Variants in AOPEP observed in about 807,000 individuals in gnomAD.
AOPEP encodes the protein aminopeptidase O.
In AOPEP, 77 loss-of-function variants were observed where a neutral mutation model predicts 98.1. The ratio of observed to expected loss-of-function variants is 0.78; its 90% CI spans 0.65 to 0.95. AOPEP has a LOEUF of 0.95. Among genes scored for constraint, AOPEP ranks in the 40% least tolerant of loss-of-function variants. The pLI, the probability that AOPEP is intolerant of heterozygous loss-of-function variation, is 0.00. For missense variants in AOPEP, 1,024 were observed against 1,024.7 expected (o/e 1.00, Z 0.01); for synonymous variants, 346 against 365.3 (o/e 0.95, Z 0.60).
chr9:95,114,664 T>C, the AOPEP span: 3 of 1,614,176 alleles, frequency 1.9e-6, no homozygotes, highest in South Asian at 3.3e-5. Flanking sequence ...CTCTGAGCAG[T>C]TCAGAAATAT....
At chr9:95,111,591 C>CG in the AOPEP span, 1 of 1,614,160 alleles carries the variant, frequency 6.2e-7, no homozygotes, top group Non-Finnish European at 8.5e-7. Flanking sequence ...GCCCATCCTC[C>CG]GAAGTGAATG....
At chr9:94,907,033 C>T (rs1342140598) in intron 5 of AOPEP, among the ~76,000 whole-genome samples, 2 of 152,100 alleles carry the variant, frequency 1.3e-5, no homozygotes, top group Non-Finnish European at 2.9e-5. Context: ...TGTTCCAGGT[C>T]GGAATTTTCC....
intron 5 of AOPEP, among the ~76,000 whole-genome samples, chr9:94,876,724 T>C (rs1174737385): frequency 6.6e-6 from 1 of 151,922 alleles, no homozygotes; most frequent in Non-Finnish European, 1.5e-5. Context: ...TATCTAAGGC[T>C]ACCTTTTAAA....
chr9:94,796,938 A>G (rs1847080869), intron 4 of AOPEP, among the ~76,000 whole-genome samples: 2 of 152,226 alleles, frequency 1.3e-5, no homozygotes, highest in African/African-American at 4.8e-5. Flanking sequence ...ATAAAGTCCA[A>G]AGGAACTTAG....
intron 11 of AOPEP, among the ~76,000 whole-genome samples, chr9:95,003,723 T>G (rs1193436472): frequency 6.6e-6 from 1 of 152,222 alleles, no homozygotes; most frequent in African/African-American, 2.4e-5. Context: ...AATAACACAT[T>G]GAAAAATCTC....
chr9:94,924,516 G>T (rs988457720), intron 6 of AOPEP, among the ~76,000 whole-genome samples: 6 of 152,192 alleles, frequency 3.9e-5, no homozygotes, highest in Non-Finnish European at 7.3e-5. Flanking sequence ...TGAAGAAAAG[G>T]TCATGCTATA....
chr9:94,791,439 G>A lies in AOPEP; in HGVS notation c.965-1326G>A, dbSNP rs752225695. 8.6e-5 allele frequency among the ~76,000 whole-genome samples: 13 copies of A among 151,912 alleles called. 1 individual carries two copies. The highest frequency in any genetic ancestry group is 8.5e-4 in the Admixed American group (13 of 15,254). On this transcript the variant is annotated intron_variant, in intron 3 of 16. Transcript: ENST00000375315. ...TTCCAGCACTTCAGGAGGCCAAGGTGGGAGGACTGCTTGAGCCCAGGAGTT... is the reference window on the plus strand; with the variant it reads ...TTCCAGCACTTCAGGAGGCCAAGGTAGGAGGACTGCTTGAGCCCAGGAGTT...
the AOPEP span, chr9:95,110,402 T>TA: frequency 9.8e-7 from 1 of 1,024,414 alleles, no homozygotes; most frequent in Non-Finnish European, 1.2e-6. Context: ...TTATTACTGT[T>TA]AAAAACATCA....
intron 13 of AOPEP, among the ~76,000 whole-genome samples, chr9:95,044,455 A>G (rs937955261): frequency 6.6e-6 from 1 of 152,188 alleles, no homozygotes; most frequent in South Asian, 2.1e-4. Flanking sequence ...TGGGAGCATC[A>G]TGCGCAGCAG....
intron 5 of AOPEP, among the ~76,000 whole-genome samples, chr9:94,899,955 C>T (rs72748576): frequency 1.4e-4 from 21 of 152,268 alleles, no homozygotes; most frequent in African/African-American, 5.1e-4. Flanking sequence ...ACCCCTCCCC[C>T]CCAGCCAAAT....
chr9:95,067,277 C>T (rs2068007297), intron 14 of AOPEP, among the ~76,000 whole-genome samples: 1 of 152,186 alleles, frequency 6.6e-6, no homozygotes, highest in South Asian at 2.1e-4. Context: ...AGCACGTTCC[C>T]AGGCCTGCTC....
At chr9:94,834,688 G>A (rs916403835) in intron 5 of AOPEP, among the ~76,000 whole-genome samples, 2 of 152,124 alleles carry the variant, frequency 1.3e-5, no homozygotes, top group African/African-American at 4.8e-5. Context: ...AGCTACTCGG[G>A]AGGCTGAGGC....
At chr9:94,964,043 T>C (rs2059026153) in intron 9 of AOPEP, among the ~76,000 whole-genome samples, 1 of 152,204 alleles carries the variant, frequency 6.6e-6, no homozygotes, top group Admixed American at 6.5e-5. Flanking sequence ...GTACAGAGAC[T>C]GCCTGGATGA....
intron 13 of AOPEP, among the ~76,000 whole-genome samples, chr9:95,046,214 C>G (rs1303675014): frequency 1.3e-5 from 2 of 152,212 alleles, no homozygotes; most frequent in Non-Finnish European, 2.9e-5. Flanking sequence ...GAAATACTCT[C>G]AAGACCTTTT....
At chr9:95,110,690 A>G in the AOPEP span, 1 of 1,054,600 alleles carries the variant, frequency 9.5e-7, no homozygotes. Flanking sequence ...CAAGAGAAGC[A>G]GGGCTCTATA....
At chr9:94,904,407 C>T (rs2050853462) in intron 5 of AOPEP, 1 of 152,172 alleles carries the variant, frequency 6.6e-6, no homozygotes, top group African/African-American at 2.4e-5. Context: ...TACTCAGAGC[C>T]TCTCCCTCAC....
intron 5 of AOPEP, among the ~76,000 whole-genome samples, chr9:94,882,767 C>T (rs2047738480): frequency 2.6e-5 from 4 of 152,070 alleles, no homozygotes; most frequent in Non-Finnish European, 5.9e-5. Flanking sequence ...CGCGAGACTC[C>T]GTCTCAAAAA....
intron 3 of AOPEP, among the ~76,000 whole-genome samples, chr9:94,789,727 G>A (rs1588218464): frequency 6.6e-6 from 1 of 152,168 alleles, no homozygotes; most frequent in Non-Finnish European, 1.5e-5. Flanking sequence ...GTCTGTGACT[G>A]TCCCTACCTC....
chr9:94,791,794 G>C (rs1845782385), intron 3 of AOPEP, among the ~76,000 whole-genome samples: 1 of 151,968 alleles, frequency 6.6e-6, no homozygotes, highest in South Asian at 2.1e-4. Flanking sequence ...ATCCAAGTTT[G>C]TTATACAAAC....
Sources: gnomAD v4.1 joint callset for allele counts (sites outside exome capture counted in the v4.1 genomes callset) on GRCh38, gnomAD v4.1.1 for gene constraint, MANE v1.5 for transcripts, NCBI Gene and HGNC (gene_info 2026-07-23, HGNC 2026-07-21) for gene names.